The following CEP85L variants were observed in gnomAD, a reference collection of about 807,000 sequenced individuals.
The protein encoded by CEP85L is centrosomal protein 85L.
Under a neutral mutation model 100.3 loss-of-function variants are expected in CEP85L, and 60 were observed. The ratio of observed to expected loss-of-function variants is 0.60; its 90% confidence interval spans 0.49 to 0.74. The LOEUF (loss-of-function observed/expected upper bound fraction) is 0.74. Ranked by LOEUF, CEP85L falls within the 30% of genes least tolerant of loss-of-function variation. CEP85L has a pLI of 0.00. For synonymous variants in CEP85L, 319 were observed against 322.7 expected (o/e 0.99, Z 0.12); for missense variants, 973 against 936.2 (o/e 1.04, Z -0.51).
At chr6:118,584,087 C>T (rs567279913) in intron 2 of CEP85L, among the ~76,000 whole-genome samples, 2 of 152,316 alleles carry the variant, frequency 1.3e-5, no homozygotes, top group Admixed American at 1.3e-4. Context: ...GGCACTGTCA[C>T]AAGACCTCTC....
At chr6:118,498,805 G>C (rs1411258687) in intron 5 of CEP85L, among the ~76,000 whole-genome samples, 2 of 152,054 alleles carry the variant, frequency 1.3e-5, no homozygotes, top group African/African-American at 2.4e-5. Context: ...TCCAAAAATG[G>C]CATCACACAT....
At chr6:118,581,506 G>T (rs551648763) in intron 2 of CEP85L, among the ~76,000 whole-genome samples, 6 of 151,826 alleles carry the variant, frequency 4.0e-5, no homozygotes, top group Admixed American at 3.9e-4. Context: ...GGACTACTTG[G>T]GTAAGTGTGA....
At chr6:118,507,454 G>GT (rs767734434) in intron 5 of CEP85L, among the ~76,000 whole-genome samples, 2 of 152,126 alleles carry the variant, frequency 1.3e-5, no homozygotes, top group Non-Finnish European at 2.9e-5. Context: ...TGCCATCAGA[G>GT]TAACCAAACT....
chr6:118,551,249 C>G (rs1007063085), intron 3 of CEP85L, among the ~76,000 whole-genome samples: 1 of 151,730 alleles, frequency 6.6e-6, no homozygotes, highest in Non-Finnish European at 1.5e-5. Context: ...CCTGGATGTA[C>G]AGCATACTCA....
chr6:118,550,155 G>T (rs1562251289), intron 3 of CEP85L, among the ~76,000 whole-genome samples: 1 of 151,840 alleles, frequency 6.6e-6, no homozygotes, highest in Non-Finnish European at 1.5e-5. Flanking sequence ...TTACTAAAAG[G>T]CGTGACAGCA....
chr6:118,706,880 C>A (rs1229342879), intron 1 of CEP85L, among the ~76,000 whole-genome samples: 1 of 152,202 alleles, frequency 6.6e-6, no homozygotes, highest in Non-Finnish European at 1.5e-5. Flanking sequence ...TGATTCCAGT[C>A]CTGGAATTCT....
intron 2 of CEP85L, 90 bp from the exon 3 acceptor site, chr6:118,566,406 C>A: frequency 1.8e-6 from 2 of 1,106,584 alleles, no homozygotes; most frequent in Non-Finnish European, 2.5e-6. Flanking sequence ...AATATCTGAA[C>A]ATGGTTTCAT....
chr6:118,486,509 A>G (rs1477228321), intron 6 of CEP85L, among the ~76,000 whole-genome samples: 1 of 152,186 alleles, frequency 6.6e-6, no homozygotes, highest in Admixed American at 6.5e-5. Flanking sequence ...TCAGTCTTTG[A>G]TAAGGATTAC....
intron 5 of CEP85L, among the ~76,000 whole-genome samples, chr6:118,506,320 T>A (rs1775654649): frequency 6.6e-6 from 1 of 152,118 alleles, no homozygotes; most frequent in South Asian, 2.1e-4. Context: ...GGTACTTTAA[T>A]TAGAGGTCTG....
chr6:118,584,381 G>A (rs1780742220), intron 2 of CEP85L, among the ~76,000 whole-genome samples: 1 of 152,116 alleles, frequency 6.6e-6, no homozygotes, highest in South Asian at 2.1e-4. Context: ...AGAGGATTTT[G>A]GGGCATTACA....
intron 2 of CEP85L, chr6:118,589,040 C>T (rs760882218): frequency 1.1e-5 from 3 of 266,728 alleles, no homozygotes; most frequent in East Asian, 1.0e-4. Flanking sequence ...AGGGCTGCTT[C>T]GTCTCCGAGG....
At chr6:118,501,576 A>G (rs1198341408) in intron 5 of CEP85L, 1 of 542,266 alleles carries the variant, frequency 1.8e-6, no homozygotes, top group Non-Finnish European at 3.6e-6. Flanking sequence ...AACAGTGAAG[A>G]ACTAACGGAT....
At chr6:118,587,153 AC>A (rs1446562331) in intron 2 of CEP85L, among the ~76,000 whole-genome samples, 1 of 152,158 alleles carries the variant, frequency 6.6e-6, no homozygotes, top group Non-Finnish European at 1.5e-5. Context: ...CCTTATAGTT[AC>A]CCGGAACTCA....
chr6:118,651,737 C>T (rs1775582854), upstream of CEP85L: 4 of 986,742 alleles, frequency 4.1e-6, no homozygotes, highest in Non-Finnish European at 2.4e-6. Context: ...GCTACCCCGA[C>T]CCCGCTTCGC....
intron 1 of CEP85L, among the ~76,000 whole-genome samples, chr6:118,649,454 C>A (rs1212726436): frequency 6.6e-6 from 1 of 152,186 alleles, no homozygotes; most frequent in African/African-American, 2.4e-5. Flanking sequence ...CTAAAATGTT[C>A]TCTTCTTCCT....
At chr6:118,669,583 T>C (rs1256127668) in intron 1 of CEP85L, among the ~76,000 whole-genome samples, 1 of 152,090 alleles carries the variant, frequency 6.6e-6, no homozygotes, top group Non-Finnish European at 1.5e-5. Context: ...ATATTTTCAT[T>C]AGAAATTTGC....
At position 118,511,432 on chromosome 6, in the gene CEP85L, A is replaced by G; in HGVS notation, c.1140-17T>C. On this transcript the variant is annotated splice_polypyrimidine_tract_variant and intron_variant, in intron 4 of 12. Transcript: ENST00000368491. ...TGCTTCTGCCTGCAAAACATAAATT[A>G]AGGTCACATTATGAGTTATAATTTT... 6.7e-7 allele frequency: 1 copy of G among 1,491,604 alleles called. No homozygotes were observed. Among genetic ancestry groups the G allele is most frequent in the Middle Eastern group, 1.7e-4 (1 of 5,822 alleles). 92.4% of individuals were successfully genotyped at this position (1,491,604 alleles called of 1,614,324 possible).
chr6:118,645,704 C>G (rs1775134134), intron 1 of CEP85L, among the ~76,000 whole-genome samples: 1 of 152,072 alleles, frequency 6.6e-6, no homozygotes, highest in African/African-American at 2.4e-5. Flanking sequence ...ACAAACAAAA[C>G]CTAAAAAATG....
intron 5 of CEP85L, among the ~76,000 whole-genome samples, chr6:118,499,914 G>A (rs987607277): frequency 4.6e-5 from 7 of 151,924 alleles, no homozygotes; most frequent in African/African-American, 1.7e-4. Flanking sequence ...GTACATAAAA[G>A]GTATACTGAT....
Sources: allele counts gnomAD v4.1 joint callset (sites outside exome capture counted in the v4.1 genomes callset), GRCh38; gene constraint gnomAD v4.1.1; transcripts MANE v1.5; gene names NCBI Gene and HGNC (gene_info 2026-07-23, HGNC 2026-07-21).